Variants in PTPRN2 observed in about 807,000 individuals in gnomAD.
PTPRN2 encodes protein tyrosine phosphatase receptor type N2.
Under a neutral mutation model 118.8 loss-of-function variants are expected in PTPRN2, and 74 were observed. That is an observed-to-expected ratio of 0.62 (90% CI 0.52 to 0.76). The LOEUF is 0.76. Ranked by LOEUF, PTPRN2 falls within the 30% of genes least tolerant of loss-of-function variation. The probability of loss-of-function intolerance (pLI) is 0.00; values close to 1 mark genes in which losing one functional copy is unlikely to be tolerated. For missense variants in PTPRN2, 1,481 were observed against 1,394.4 expected, an observed-to-expected ratio of 1.06 and a Z score of -0.99; for synonymous variants, 641 against 608.0, an observed-to-expected ratio of 1.05 and a Z score of -0.80.
Position 158,285,818 on chromosome 7 carries a change from C to A in PTPRN2, c.277+31001G>T, listed in dbSNP as rs545933584. ...TAGGGAGACAGGTGACAACCCCATT[C>A]GCCTCTGAGCTAGGGAAGTAGAGAT... is the stretch of plus-strand genomic sequence containing the variant. On this transcript the variant is annotated intron_variant, in intron 3 of 22. Transcript: ENST00000389418. Among the ~76,000 whole-genome samples, 4 of 152,330 alleles carry A rather than the reference C, an allele frequency of 2.6e-5. No individual in the cohort carries two copies. In the East Asian group the frequency reaches 7.7e-4, roughly 29 times the overall value.
chr7:157,619,125 A>C lies in PTPRN2; in HGVS notation c.2344+2237T>G, dbSNP rs1160152618. ...CACCATCACTAGGTCCCTCGCCCCC[A>C]ACCCCCCCATCCACACTGTACAGAC... On this transcript the variant is annotated intron_variant, in intron 15 of 22. Transcript: ENST00000389418. This position sits in a 1 kb window ranked among gnomAD's most constrained non-coding sequence, Gnocchi z 5.3. 6.6e-6 allele frequency among the ~76,000 whole-genome samples: 1 copy of C among 151,410 alleles called. No individual in the cohort carries two copies. Among genetic ancestry groups the C allele is most frequent in the African/African-American group, 2.4e-5 (1 of 41,096 alleles).
chr7:158,255,483 C>A (rs1002012567), intron 3 of PTPRN2, among the ~76,000 whole-genome samples: 3 of 152,184 alleles, frequency 2.0e-5, no homozygotes, highest in African/African-American at 7.2e-5. Context: ...TTAACCTGAA[C>A]TTGCCTCAGC....
intron 12 of PTPRN2, among the ~76,000 whole-genome samples, chr7:157,802,898 C>T (rs766225700): frequency 8.5e-5 from 13 of 152,154 alleles, no homozygotes; most frequent in Non-Finnish European, 1.3e-4. Context: ...GTCCTTTGCC[C>T]ATTTTTAAAT....
chr7:157,836,846 TCATC>T (rs879515678), intron 12 of PTPRN2, among the ~76,000 whole-genome samples: 5 of 151,846 alleles, frequency 3.3e-5, no homozygotes, highest in African/African-American at 7.3e-5. Flanking sequence ...GTGTGTCCAT[TCATC>T]CATCCATCCA....
chr7:157,790,070 GT>G (rs1804365177), intron 12 of PTPRN2, among the ~76,000 whole-genome samples: 2 of 124,546 alleles, frequency 1.6e-5, no homozygotes, highest in African/African-American at 6.5e-5. Flanking sequence ...TGAATGTGTG[GT>G]GTGTGTGTGT....
chr7:158,587,362 A>C (rs1236705093), intron 1 of PTPRN2, among the ~76,000 whole-genome samples, 196 bp downstream of exon 1: 1 of 43,862 alleles, frequency 2.3e-5, no homozygotes, highest in Non-Finnish European at 4.2e-5. Flanking sequence ...ATGCCCCCTC[A>C]CTCAGAGGCG....
chr7:157,551,066 C>T (rs1798574188), intron 21 of PTPRN2, among the ~76,000 whole-genome samples: 1 of 152,142 alleles, frequency 6.6e-6, no homozygotes, highest in Non-Finnish European at 1.5e-5. Context: ...GACACTCCTG[C>T]AGTTGGTGCC....
At chr7:157,651,452 C>T (rs1303202908) in intron 14 of PTPRN2, among the ~76,000 whole-genome samples, 3 of 152,120 alleles carry the variant, frequency 2.0e-5, no homozygotes, top group South Asian at 2.1e-4. Context: ...TTATTTAAGT[C>T]GAATGGAGAA....
rs1426824288 is a variant in PTPRN2, at chr7:158,319,378, GCACACACACACACAGCCTCC to G, written c.164-2466_164-2447del. Among the ~76,000 whole-genome samples, 42 of 146,118 alleles carry G rather than the reference GCACACACACACACAGCCTCC, an allele frequency of 2.9e-4. 3 individuals are homozygous for G. Among genetic ancestry groups the G allele is most frequent in the African/African-American group, 6.8e-4 (27 of 39,818 alleles). ...ATATTTTCCATGCATCCTCACACAT[GCACACACACACACAGCCTCC>G]CACACACACACACAGCCTCCCACAC... On this transcript the variant is annotated intron_variant, in intron 2 of 22. Coordinates refer to ENST00000389418, the MANE Select transcript of PTPRN2 (RefSeq NM_002847.5).
intron 2 of PTPRN2, among the ~76,000 whole-genome samples, chr7:158,329,299 T>C (rs1273763142): frequency 6.6e-6 from 1 of 152,096 alleles, no homozygotes; most frequent in African/African-American, 2.4e-5. Context: ...CAGTCATGCC[T>C]CCCTCACGGA....
At chr7:157,605,966 A>G (rs762411194) in intron 15 of PTPRN2, among the ~76,000 whole-genome samples, 1 of 152,194 alleles carries the variant, frequency 6.6e-6, no homozygotes, top group Non-Finnish European at 1.5e-5. Flanking sequence ...TTTGCCCAGG[A>G]ATCTCTGTCT....
chr7:157,555,383 G>A (rs2286844), intron 21 of PTPRN2, among the ~76,000 whole-genome samples: 5,620 of 152,272 alleles, frequency 0.037, 229 homozygotes, highest in East Asian at 0.14. Flanking sequence ...TCCATTTGAA[G>A]TTAAAGAAAA....
intron 12 of PTPRN2, among the ~76,000 whole-genome samples, chr7:157,790,177 G>T (rs1226586377): frequency 1.4e-5 from 2 of 141,134 alleles, no homozygotes; most frequent in South Asian, 4.7e-4. Context: ...TGTGGTGTGT[G>T]TATGGTGGTG....
intron 2 of PTPRN2, among the ~76,000 whole-genome samples, chr7:158,385,968 CCCCTCCT>C (rs1187084425): frequency 1.4e-5 from 2 of 147,064 alleles, no homozygotes; most frequent in Non-Finnish European, 3.0e-5. Context: ...TATTTCTGTG[CCCCTCCT>C]CCCTCCTCCC....
chr7:158,517,824 G>A lies in PTPRN2; in HGVS notation c.113-28039C>T, dbSNP rs545303568. ...CTCCCCAGGCACCTCCATCCCCTTC[G>A]TCACACATCCCACACACCCCGGTTT... On this transcript the variant is annotated intron_variant, in intron 1 of 22. Transcript: ENST00000389418. The surrounding 1 kb of genome is among the most constrained non-coding windows in gnomAD (Gnocchi z 5.3). Among the ~76,000 whole-genome samples, 22 of 152,004 alleles carry A rather than the reference G, an allele frequency of 1.4e-4. No individual in the cohort carries two copies. In the South Asian group the frequency reaches 3.3e-3, roughly 23 times the overall value.
intron 5 of PTPRN2, among the ~76,000 whole-genome samples, chr7:158,183,355 C>T (rs1824873295): frequency 1.3e-5 from 2 of 152,074 alleles, no homozygotes; most frequent in South Asian, 2.1e-4. Context: ...GCTTTCAGAC[C>T]ACATCTATCC....
intron 10 of PTPRN2, among the ~76,000 whole-genome samples, chr7:158,086,719 T>A (rs188625336): frequency 3.3e-4 from 51 of 152,366 alleles, no homozygotes; most frequent in African/African-American, 1.2e-3. Flanking sequence ...AGCACAGGCA[T>A]GTCAGGCAAC....
intron 12 of PTPRN2, among the ~76,000 whole-genome samples, chr7:157,815,138 C>T (rs1166495735): frequency 6.6e-6 from 1 of 152,260 alleles, no homozygotes; most frequent in Non-Finnish European, 1.5e-5. Flanking sequence ...GACCGGTTTC[C>T]CTGCAGAAGA....
chr7:158,232,944 T>C (rs566953709), intron 3 of PTPRN2, among the ~76,000 whole-genome samples: 2 of 152,278 alleles, frequency 1.3e-5, no homozygotes, highest in East Asian at 1.9e-4. Context: ...ATAAACGCTA[T>C]ATATGACAAA....
Sources: allele counts gnomAD v4.1 joint callset (sites outside exome capture counted in the v4.1 genomes callset), GRCh38; gene constraint gnomAD v4.1.1; non-coding constraint Gnocchi (gnomAD v3.1); transcripts MANE v1.5; gene names NCBI Gene and HGNC (gene_info 2026-07-23, HGNC 2026-07-21).